Variants in PHF3 observed in about 807,000 individuals in gnomAD.
PHF3 encodes PHD finger protein 3.
In PHF3, 41 loss-of-function variants were observed where a neutral mutation model predicts 178.4. That is an observed-to-expected ratio of 0.23 (90% CI 0.18 to 0.30). The LOEUF (loss-of-function observed/expected upper bound fraction) is 0.30. Ranked by LOEUF, PHF3 falls within the 10% of genes least tolerant of loss-of-function variation. PHF3 has a pLI of 1.00. For missense variants in PHF3, 2,346 were observed against 2,398.1 expected, an observed-to-expected ratio of 0.98 and a Z score of 0.45; for synonymous variants, 842 against 800.5, an observed-to-expected ratio of 1.05 and a Z score of -0.88.
intron 14 of PHF3, 106 bp downstream of exon 14, chr6:63,709,346 T>C (rs1767827792): frequency 1.3e-6 from 1 of 770,836 alleles, no homozygotes; most frequent in East Asian, 2.5e-5. Context: ...AAGGAGGCAA[T>C]ACACATTTTA....
chr6:63,685,172 A>G lies in PHF3; in HGVS notation c.1450A>G (p.Lys484Glu). 6.2e-7 allele frequency: 1 copy of G among 1,614,010 alleles called. No individual in the cohort carries two copies. Among genetic ancestry groups the G allele is most frequent in the African/African-American group, 1.3e-5 (1 of 75,050 alleles). The change falls in exon 4 of 16, where the codon AAA becomes GAA. Residue 484 changes from lysine to glutamate, a missense_variant. This residue lies in a region of PHF3 where 843 missense variants were observed against 795.2 expected (regional missense o/e 1.06). Coordinates refer to ENST00000262043, the MANE Select transcript of PHF3 (RefSeq NM_001370348.2). ...QSSSVSYLES[K>E]SVKSKHTKPV... ...AAGTAGCGTTTCTTACTTAGAGTCAAAAAGTGTAAAATCCAAACATACAAA... is the reference window on the plus strand; with the variant it reads ...AAGTAGCGTTTCTTACTTAGAGTCAGAAAGTGTAAAATCCAAACATACAAA...
rs897157896 is a variant in PHF3, at chr6:63,685,501, T to C, written c.1779T>C (p.Thr593=). The stretch of plus-strand genomic sequence containing the variant: ...TAGTACAAATTTTCAAGCCCTTAAC[T>C]CATTCTTTGAGTGATAAGTCACACG... ...QTLVQIFKPL[T]HSLSDKSHAH... is the part of the protein sequence containing the mutation. The change falls in exon 4 of 16, where the codon ACT becomes ACC. Residue 593 remains threonine, a synonymous_variant. Coordinates refer to ENST00000262043, the MANE Select transcript of PHF3 (RefSeq NM_001370348.2). 6.2e-6 allele frequency: 10 copies of C among 1,614,084 alleles called. No homozygotes were observed. The highest frequency in any genetic ancestry group is 8.5e-6 in the Non-Finnish European group (10 of 1,180,022).
chr6:63,667,625 T>G (rs1223683604), intron 2 of PHF3, among the ~76,000 whole-genome samples: 3 of 152,340 alleles, frequency 2.0e-5, no homozygotes, highest in African/African-American at 4.8e-5. Context: ...GTCCCCAAGC[T>G]ATTATTTTCA....
chr6:63,676,597 A>T (rs1561957997), intron 2 of PHF3, among the ~76,000 whole-genome samples: 1 of 152,130 alleles, frequency 6.6e-6, no homozygotes, highest in Non-Finnish European at 1.5e-5. Flanking sequence ...ACTGGAGGAG[A>T]GTGAATCAGC....
intron 5 of PHF3, 52 bp downstream of exon 5, chr6:63,692,095 G>T: frequency 8.2e-7 from 1 of 1,226,376 alleles, no homozygotes; most frequent in East Asian, 2.5e-5. Flanking sequence ...TTTTTGTATG[G>T]ACTGACTGCA....
intron 2 of PHF3, among the ~76,000 whole-genome samples, chr6:63,677,694 GA>G (rs1169447142): frequency 6.6e-6 from 1 of 151,962 alleles, no homozygotes; most frequent in East Asian, 1.9e-4. Flanking sequence ...GCTCATTATA[GA>G]AAACTTGGAA....
At chr6:63,641,447 A>G (rs752354206) in intron 1 of PHF3, among the ~76,000 whole-genome samples, 3 of 152,048 alleles carry the variant, frequency 2.0e-5, no homozygotes, top group African/African-American at 2.4e-5. Flanking sequence ...ACACAAATGT[A>G]GACTACGTGA....
chr6:63,684,577 G>T lies in PHF3; in HGVS notation c.855G>T (p.Leu285Phe). ...ECKAKPVGSP[L>F]FKFSDKEEHE... is the part of the protein sequence containing the mutation. ...AAGCCAAGCCTGTTGGTAGTCCATT[G>T]TTTAAGTTTTCAGATAAAGAAGAAC... is the stretch of plus-strand genomic sequence containing the variant. The change falls in exon 4 of 16, where the codon TTG becomes TTT. Residue 285 changes from leucine to phenylalanine, a missense_variant. Physicochemically the swap from Leu to Phe is conservative, Grantham distance 22. This residue lies in a region of PHF3 where 843 missense variants were observed against 795.2 expected (regional missense o/e 1.06). Coordinates refer to ENST00000262043, the MANE Select transcript of PHF3 (RefSeq NM_001370348.2). 1 of 1,613,952 alleles carries T rather than the reference G, an allele frequency of 6.2e-7. No homozygotes were observed. The highest frequency in any genetic ancestry group is 8.5e-7 in the Non-Finnish European group (1 of 1,179,892).
rs530483896 is a variant in PHF3 at position 63,722,573 on chromosome 6, T to C, written c.*8865T>C. ...ATTCTGCAAGCTTGGAAAAAGCATG[T>C]TCTTCACTGTAAGATTGCTTGAAGA... On this transcript the variant is annotated 3_prime_UTR_variant, in exon 16 of 16. Transcript: ENST00000262043. 1.3e-5 allele frequency among the ~76,000 whole-genome samples: 2 copies of C among 152,340 alleles called. No individual in the cohort carries two copies. The highest frequency in any genetic ancestry group is 4.8e-5 in the African/African-American group (2 of 41,590).
rs1265280762 is a variant in PHF3, at chr6:63,717,109, A to C, written c.*3401A>C. Among the ~76,000 whole-genome samples, 1 of 152,126 alleles carries C rather than the reference A, an allele frequency of 6.6e-6. No homozygotes were observed. The highest frequency in any genetic ancestry group is 1.5e-5 in the Non-Finnish European group (1 of 68,002). ...TATAGTAAATACATGTGAAAAATTT[A>C]AGAACAATAACACCAGCAATAGAGA... On this transcript the variant is annotated 3_prime_UTR_variant, in exon 16 of 16. Transcript: ENST00000262043.
At chr6:63,679,677 T>C (rs1034948686) in intron 2 of PHF3, 1 of 367,144 alleles carries the variant, frequency 2.7e-6, no homozygotes, top group Non-Finnish European at 5.3e-6. Context: ...GATACTTGAG[T>C]ACTCCAGGTA....
rs199939942 is a variant in PHF3, at chr6:63,700,408, G to A, written c.3041G>A (p.Ser1014Asn). 20 of 1,606,084 alleles carry A rather than the reference G, an allele frequency of 1.2e-5. No individual in the cohort carries two copies. The highest frequency in any genetic ancestry group is 2.7e-5 in the African/African-American group (2 of 74,862). ...EVTPDHLIRM[S>N]PEELASKELA... ...ACTCCTGATCATCTTATCAGAATGAGTCCAGAAGAACTAGCTTCTAAAGAG... is the reference window on the plus strand; with the variant it reads ...ACTCCTGATCATCTTATCAGAATGAATCCAGAAGAACTAGCTTCTAAAGAG... Residue 1014 changes from serine to asparagine, a missense_variant, in exon 9 of 16, where the codon AGT (serine) becomes AAT (asparagine). Around this residue, in one of 8 missense-constraint regions of PHF3, gnomAD observed 45 missense variants for 87.9 expected, o/e 0.51. Transcript: ENST00000262043.
Position 63,712,034 on chromosome 6 carries a change from C to G in PHF3, c.4446C>G (p.Asp1482Glu). Residue 1482 changes from aspartate (D) to glutamate (E), a missense_variant, in exon 16 of 16, where the codon GAC becomes GAG. This residue lies in a region of PHF3 where 839 missense variants were observed against 806.9 expected (regional missense o/e 1.04). Transcript: ENST00000262043. ...SLLGTTGQVYDQAQSVMEQNT... is the reference protein window; with the variant it reads ...SLLGTTGQVYEQAQSVMEQNT... ...TGGGCACCACTGGTCAAGTATATGA[C>G]CAGGCCCAGTCAGTGATGGAACAAA... 6.2e-7 allele frequency: 1 copy of G among 1,613,640 alleles called. No individual in the cohort carries two copies. The highest frequency in any genetic ancestry group is 8.5e-7 in the Non-Finnish European group (1 of 1,179,882).
At chr6:63,681,844 TA>T (rs1766452807) in intron 3 of PHF3, among the ~76,000 whole-genome samples, 1 of 152,116 alleles carries the variant, frequency 6.6e-6, no homozygotes, top group African/African-American at 2.4e-5. Flanking sequence ...GGTAGGGAAC[TA>T]AAATTATGAA....
chr6:63,681,488 A>G (rs1284869530), intron 3 of PHF3, among the ~76,000 whole-genome samples: 1 of 151,840 alleles, frequency 6.6e-6, no homozygotes, highest in African/African-American at 2.4e-5. Flanking sequence ...TATTTTGCCT[A>G]CTTCCTACCT....
chr6:63,696,858 G>A (rs960610120), intron 6 of PHF3, among the ~76,000 whole-genome samples: 3 of 152,104 alleles, frequency 2.0e-5, no homozygotes, highest in African/African-American at 7.2e-5. Flanking sequence ...CGGTGGAGCA[G>A]TAGGGAAAAA....
At chr6:63,698,715 T>C (rs1767343486) in intron 8 of PHF3, 110 bp downstream of exon 8, 1 of 798,208 alleles carries the variant, frequency 1.3e-6, no homozygotes, top group South Asian at 2.7e-5. Flanking sequence ...GAGATTATAA[T>C]TTGCTTTTGA....
intron 2 of PHF3, among the ~76,000 whole-genome samples, chr6:63,674,629 G>A (rs1766087300): frequency 6.6e-6 from 1 of 151,920 alleles, no homozygotes; most frequent in Admixed American, 6.6e-5. Context: ...GATGTTAGAG[G>A]GGTAAGGTGT....
At chr6:63,638,489 A>G (rs531318331) in intron 1 of PHF3, among the ~76,000 whole-genome samples, 10 of 152,196 alleles carry the variant, frequency 6.6e-5, no homozygotes, top group South Asian at 4.1e-4. Context: ...TCCTTTTTAC[A>G]TATGTTTTTT....
Sources: allele counts gnomAD v4.1 joint callset (sites outside exome capture counted in the v4.1 genomes callset), GRCh38; gene constraint gnomAD v4.1.1; regional missense constraint gnomAD v4.1.1; transcripts MANE v1.5; gene names NCBI Gene and HGNC (gene_info 2026-07-23, HGNC 2026-07-21).